FBXO15: variants seen among roughly 807,000 people sequenced by gnomAD.
FBXO15 encodes F-box only protein 15.
FBXO15 carries 30 observed loss-of-function variants against 49.5 expected under a neutral mutation model. The observed-to-expected ratio is 0.61, with a 90% CI of 0.45 to 0.82. FBXO15 has a LOEUF of 0.82. FBXO15 is among the 40% of genes least tolerant of loss of function. FBXO15 has a pLI of 0.00. For missense variants in FBXO15, 591 were observed against 631.5 expected (o/e 0.94, Z 0.69); for synonymous variants, 250 against 232.7 (o/e 1.07, Z -0.68).
rs1045336686 is a variant in FBXO15 at position 74,147,816 on chromosome 18, C to A, written c.-31G>T. 9 of 1,488,036 alleles carry A rather than the reference C, an allele frequency of 6.0e-6. No individual in the cohort carries two copies. In the African/African-American group the frequency reaches 1.0e-4, roughly 17 times the overall value. The allele number at this position is 1,488,036 out of a possible 1,614,324, so 92.2% of individuals were successfully genotyped here. On this transcript the variant is annotated 5_prime_UTR_variant, in exon 1 of 10. Coordinates refer to ENST00000419743, the MANE Select transcript of FBXO15 (RefSeq NM_001142958.2). ...CAAGGAGTTCACCACAGGACCGCGC[C>A]AGGGCTGAAACGAAGAGTGCACGCA...
At chr18:74,137,363 A>C (rs561081714) in intron 2 of FBXO15, among the ~76,000 whole-genome samples, 1 of 152,334 alleles carries the variant, frequency 6.6e-6, no homozygotes, top group East Asian at 1.9e-4. Flanking sequence ...ACAAAACTTC[A>C]TATCTATTAT....
At chr18:74,084,967 C>A (rs977497136) in intron 8 of FBXO15, among the ~76,000 whole-genome samples, 2 of 151,844 alleles carry the variant, frequency 1.3e-5, no homozygotes, top group African/African-American at 4.8e-5. Context: ...TAATAATATT[C>A]TATCTAAAGA....
In FBXO15 at chr18:74,074,736, T is replaced by C. The variant is rs1044420015; in HGVS notation, c.1264-1006A>G. ...CATAGTCGGCATGCATTACATACAC[T>C]AAGCATAAACGTCATTTCATGAACG... On this transcript the variant is annotated intron_variant, in intron 9 of 9. Coordinates refer to ENST00000419743, the MANE Select transcript of FBXO15 (RefSeq NM_001142958.2). The surrounding 1 kb of genome is among the most constrained non-coding windows in gnomAD (Gnocchi z 4.7). Among the ~76,000 whole-genome samples, 2 of 152,246 alleles carry C rather than the reference T, an allele frequency of 1.3e-5. No homozygotes were observed. The highest frequency in any genetic ancestry group is 2.9e-5 in the Non-Finnish European group (2 of 68,046).
chr18:74,147,303 T>A (rs1285518731), intron 1 of FBXO15, among the ~76,000 whole-genome samples: 1 of 151,818 alleles, frequency 6.6e-6, no homozygotes, highest in Non-Finnish European at 1.5e-5. Context: ...CGAAGGGAGA[T>A]TCTTGGTTAC....
At chr18:74,139,795 G>A (rs1978951871) in intron 2 of FBXO15, among the ~76,000 whole-genome samples, 1 of 152,062 alleles carries the variant, frequency 6.6e-6, no homozygotes, top group Non-Finnish European at 1.5e-5. Context: ...TGGTGCTGAG[G>A]GTCACAGCAC....
At chr18:74,092,953 C>T (rs1913108499) in intron 8 of FBXO15, among the ~76,000 whole-genome samples, 1 of 152,084 alleles carries the variant, frequency 6.6e-6, no homozygotes, top group African/African-American at 2.4e-5. Context: ...GAGAAGGGGG[C>T]AGGCTGCTAG....
At chr18:74,136,336 A>C (rs1410598725) in intron 2 of FBXO15, among the ~76,000 whole-genome samples, 1 of 152,156 alleles carries the variant, frequency 6.6e-6, no homozygotes, top group Non-Finnish European at 1.5e-5. Context: ...GCACGCCGCC[A>C]AGCCTGGCTA....
intron 2 of FBXO15, among the ~76,000 whole-genome samples, chr18:74,136,669 G>A (rs1292131471): frequency 6.6e-6 from 1 of 152,136 alleles, no homozygotes; most frequent in Non-Finnish European, 1.5e-5. Context: ...ATATGATAGT[G>A]AGATATAGTC....
intron 8 of FBXO15, among the ~76,000 whole-genome samples, chr18:74,110,620 A>G (rs1309585237): frequency 6.6e-6 from 1 of 152,058 alleles, no homozygotes; most frequent in African/African-American, 2.4e-5. Flanking sequence ...AGAGATTCTC[A>G]GAGTTGGTAG....
intron 9 of FBXO15, among the ~76,000 whole-genome samples, chr18:74,077,630 T>C (rs1397083101): frequency 6.6e-6 from 1 of 151,470 alleles, no homozygotes; most frequent in African/African-American, 2.4e-5. Flanking sequence ...GACACCAGAG[T>C]GGGGAGCAGG....
At chr18:74,145,062 C>A (rs1467776397) in intron 1 of FBXO15, among the ~76,000 whole-genome samples, 1 of 152,198 alleles carries the variant, frequency 6.6e-6, no homozygotes, top group Non-Finnish European at 1.5e-5. Context: ...CAAATAAATC[C>A]TGTTTGGTAC....
At chr18:74,083,171 C>T (rs895052921) in intron 8 of FBXO15, among the ~76,000 whole-genome samples, 1 of 152,238 alleles carries the variant, frequency 6.6e-6, no homozygotes, top group Non-Finnish European at 1.5e-5. Flanking sequence ...CCACGTCTTA[C>T]TTCTGTTCCA....
In FBXO15 at chr18:74,093,263, T is replaced by TGAGC. The variant is rs35120126; in HGVS notation, c.1139-11213_1139-11212insGCTC. Among the ~76,000 whole-genome samples the TGAGC allele has an allele frequency of 4.1e-4, 51 of 123,686 alleles. 1 individual carries two copies. The highest frequency in any genetic ancestry group is 1.6e-3 in the African/African-American group (51 of 31,326). 81.1% of individuals were successfully genotyped at this position (123,686 alleles called of 152,430 possible). A position where few individuals can be genotyped will look rare whatever the true frequency, so the allele number is the denominator to read the frequency against. On this transcript the variant is annotated intron_variant, in intron 8 of 9. Coordinates refer to ENST00000419743, the MANE Select transcript of FBXO15 (RefSeq NM_001142958.2). The stretch of plus-strand genomic sequence containing the variant: ...TCATACACGTGTGCTGGCAAAACAA[T>TGAGC]GGGGGGGGGGTGGCTGCAGACAAGT...
At chr18:74,089,304 G>A (rs1269288625) in intron 8 of FBXO15, among the ~76,000 whole-genome samples, 4 of 152,128 alleles carry the variant, frequency 2.6e-5, no homozygotes, top group East Asian at 1.9e-4. Context: ...CTGAAACTTC[G>A]GTGAAGTTGT....
intron 4 of FBXO15, 88 bp downstream of exon 4, chr18:74,130,328 G>T: frequency 1.3e-6 from 2 of 1,518,240 alleles, no homozygotes; most frequent in Non-Finnish European, 1.8e-6. Context: ...ACTAGAGACA[G>T]TCCCACACAA....
rs1219836651 is a variant in FBXO15 at position 74,130,535 on chromosome 18, A to G, written c.456T>C (p.Gly152=). 6.2e-7 allele frequency: 1 copy of G among 1,614,134 alleles called. No homozygotes were observed. The highest frequency in any genetic ancestry group is 1.1e-5 in the South Asian group (1 of 91,074). The stretch of plus-strand genomic sequence containing the variant: ...TTGTGATATATTCTTTCTTCCAATA[A>G]CCAGCTTCTTTATCCTGAACTGACA... The part of the protein sequence containing the change: ...SFLSVQDKEA[G]YWKKEYITKQ... Residue 152 remains glycine (G), a synonymous_variant, in exon 4 of 10, where the codon GGT becomes GGC. Transcript: ENST00000419743.
chr18:74,101,399 C>T (rs1913513265), intron 8 of FBXO15, among the ~76,000 whole-genome samples: 1 of 151,718 alleles, frequency 6.6e-6, no homozygotes, highest in African/African-American at 2.4e-5. Context: ...GCATACAAAG[C>T]ACATACCTCA....
chr18:74,109,082 A>G (rs2145160361), intron 8 of FBXO15, among the ~76,000 whole-genome samples: 1 of 152,202 alleles, frequency 6.6e-6, no homozygotes, highest in South Asian at 2.1e-4. Flanking sequence ...AAGGAAAATG[A>G]TCATCTGACA....
At chr18:74,139,816 C>T (rs1407485036) in intron 2 of FBXO15, among the ~76,000 whole-genome samples, 1 of 152,166 alleles carries the variant, frequency 6.6e-6, no homozygotes, top group East Asian at 1.9e-4. Flanking sequence ...AGAATCTTGC[C>T]ATGGCAAATG....
Sources: gnomAD v4.1 joint callset for allele counts (sites outside exome capture counted in the v4.1 genomes callset) on GRCh38, gnomAD v4.1.1 for gene constraint, Gnocchi (gnomAD v3.1) non-coding constraint, MANE v1.5 for transcripts, NCBI Gene and HGNC (gene_info 2026-07-23, HGNC 2026-07-21) for gene names.